WNK1: variants seen among roughly 807,000 people sequenced by gnomAD.
WNK1 encodes WNK lysine deficient protein kinase 1, also known as serine/threonine-protein kinase WNK1.
In WNK1, 38 loss-of-function variants were observed where a neutral mutation model predicts 222.8. The ratio of observed to expected loss-of-function variants is 0.17; its 90% CI spans 0.13 to 0.22. WNK1 has a LOEUF of 0.22. Among genes scored for constraint, WNK1 ranks in the 10% least tolerant of loss-of-function variants. The probability of loss-of-function intolerance (pLI) is 1.00; values close to 1 mark genes in which losing one functional copy is unlikely to be tolerated. For missense variants in WNK1, 2,348 were observed against 2,918.4 expected (o/e 0.80, Z 4.50); for synonymous variants, 1,090 against 1,092.9 (o/e 1.00, Z 0.05).
chr12:894,434 G>T, intron 22 of WNK1, 128 bp from the exon 23 acceptor site: 1 of 775,438 alleles, frequency 1.3e-6, no homozygotes. Flanking sequence ...GAGGAGATAA[G>T]GAAGTTCTCT....
At chr12:804,355 T>C (rs1229376004) in intron 1 of WNK1, among the ~76,000 whole-genome samples, 2 of 152,216 alleles carry the variant, frequency 1.3e-5, no homozygotes, top group Admixed American at 6.5e-5. Context: ...TAAGCACATT[T>C]ACAATGTTGT....
chr12:770,286 T>C (rs1166125157), intron 1 of WNK1, among the ~76,000 whole-genome samples: 1 of 152,210 alleles, frequency 6.6e-6, no homozygotes, highest in Non-Finnish European at 1.5e-5. Context: ...GAATTAAGTT[T>C]CTGATACATG....
At chr12:880,634 CTTT>C (rs11334619) in intron 11 of WNK1, 84 bp from the exon 12 acceptor site, 3,261 of 1,186,886 alleles carry the variant, frequency 2.7e-3, no homozygotes, top group Middle Eastern at 3.2e-3. Flanking sequence ...CTGTGTGCTT[CTTT>C]TTTTTTTTTT....
At chr12:824,396 A>C (rs188724645) in intron 2 of WNK1, among the ~76,000 whole-genome samples, 213 of 152,242 alleles carry the variant, frequency 1.4e-3, no homozygotes, top group Non-Finnish European at 2.2e-3. Context: ...TATGGAGCAG[A>C]TTGGATTCCT....
At chr12:847,797 T>TTC (rs1295217973) in intron 4 of WNK1, among the ~76,000 whole-genome samples, 8 of 142,934 alleles carry the variant, frequency 5.6e-5, no homozygotes, top group South Asian at 4.5e-4. Flanking sequence ...AATGGATTAA[T>TTC]TCTCTTTTTT....
intron 26 of WNK1, among the ~76,000 whole-genome samples, chr12:901,258 C>T (rs938732619): frequency 1.3e-5 from 2 of 152,154 alleles, no homozygotes; most frequent in African/African-American, 4.8e-5. Context: ...GGCTTATGTG[C>T]CTTTGCCACA....
At chr12:855,194 A>G (rs1448547529) in intron 4 of WNK1, among the ~76,000 whole-genome samples, 1 of 152,246 alleles carries the variant, frequency 6.6e-6, no homozygotes, top group Non-Finnish European at 1.5e-5. Context: ...CTAGAATTAT[A>G]TGAAGATAAA....
At chr12:847,995 A>G (rs1336473367) in intron 4 of WNK1, among the ~76,000 whole-genome samples, 4 of 151,444 alleles carry the variant, frequency 2.6e-5, no homozygotes, top group African/African-American at 4.8e-5. Flanking sequence ...TTTAGTAGAG[A>G]CGGGGTTTCA....
At chr12:849,564 C>G (rs1950266535) in intron 4 of WNK1, among the ~76,000 whole-genome samples, 1 of 151,930 alleles carries the variant, frequency 6.6e-6, no homozygotes, top group African/African-American at 2.4e-5. Context: ...TACATAAATA[C>G]TGTTGATTTT....
intron 17 of WNK1, 134 bp downstream of exon 17, chr12:883,965 T>G (rs755926928): frequency 6.8e-7 from 1 of 1,475,570 alleles, no homozygotes; most frequent in Non-Finnish European, 9.3e-7. Flanking sequence ...GAGGCGGAGG[T>G]TGCAGTGAGC....
chr12:869,703 A>G lies in WNK1; in HGVS notation c.2140-1562A>G, dbSNP rs570016679. Reference sequence around the variant, plus strand: ...AATGAAAATGCCTTTTTAAAATGGCATCAGTCAAGCAAGTTGCTGTGCATT... The same window carrying G: ...AATGAAAATGCCTTTTTAAAATGGCGTCAGTCAAGCAAGTTGCTGTGCATT... On this transcript the variant is annotated intron_variant, in intron 8 of 27. Coordinates refer to ENST00000315939, the MANE Select transcript of WNK1 (RefSeq NM_018979.4). 2.6e-5 allele frequency among the ~76,000 whole-genome samples: 4 copies of G among 152,300 alleles called. No individual in the cohort carries two copies. In the South Asian group the frequency reaches 8.3e-4, roughly 32 times the overall value.
At chr12:859,524 T>C in intron 6 of WNK1, 60 bp downstream of exon 6, 1 of 1,371,460 alleles carries the variant, frequency 7.3e-7, no homozygotes, top group Admixed American at 1.9e-5. Flanking sequence ...ATACTATCAT[T>C]AAGCAAAAAA....
chr12:880,161 A>C, intron 11 of WNK1, 130 bp downstream of exon 11: 1 of 906,730 alleles, frequency 1.1e-6, no homozygotes, highest in Non-Finnish European at 1.7e-6. Context: ...GCAAAATAGT[A>C]AAATTCTGAG....
chr12:901,507 T>G (rs1224907551), intron 26 of WNK1: 2 of 1,215,992 alleles, frequency 1.6e-6, no homozygotes, highest in Admixed American at 2.5e-5. Flanking sequence ...ATCTTGTAGT[T>G]GTGTTCTGTC....
chr12:811,822 G>A (rs1946933944), intron 1 of WNK1, among the ~76,000 whole-genome samples: 1 of 152,078 alleles, frequency 6.6e-6, no homozygotes, highest in Non-Finnish European at 1.5e-5. Context: ...ATAATCTGTT[G>A]TCATGCATCT....
At chr12:869,372 C>T (rs925752055) in intron 8 of WNK1, among the ~76,000 whole-genome samples, 13 of 152,118 alleles carry the variant, frequency 8.5e-5, no homozygotes, top group Admixed American at 3.3e-4. Context: ...TTCACAATCA[C>T]GACTTCTATG....
intron 3 of WNK1, 101 bp from the exon 4 acceptor site, chr12:829,902 A>C (rs938338192): frequency 7.7e-7 from 1 of 1,300,274 alleles, no homozygotes; most frequent in African/African-American, 1.5e-5. Flanking sequence ...CCCCATTCCA[A>C]TTTCTTCTCT....
At chr12:784,857 A>G (rs1442856759) in intron 1 of WNK1, among the ~76,000 whole-genome samples, 2 of 152,136 alleles carry the variant, frequency 1.3e-5, no homozygotes, top group Non-Finnish European at 2.9e-5. Flanking sequence ...CCAGAATCCC[A>G]TTTCTTTCTC....
rs199628096 is a variant in WNK1 at position 908,053 on chromosome 12, G to A, written c.6831+19G>A. On this transcript the variant is annotated intron_variant, in intron 27 of 27. Transcript: ENST00000315939. ...TTACGAGGTAAGTCTCTCTTTTGCC[G>A]CAGAGAATCCGTAACACACATCTGA... 175 of 1,613,160 alleles carry A rather than the reference G, an allele frequency of 1.1e-4. No individual in the cohort carries two copies. The highest frequency in any genetic ancestry group is 6.5e-4 in the Admixed American group (39 of 59,952).
Sources: allele counts gnomAD v4.1 joint callset (sites outside exome capture counted in the v4.1 genomes callset), GRCh38; gene constraint gnomAD v4.1.1; transcripts MANE v1.5; gene names NCBI Gene and HGNC (gene_info 2026-07-23, HGNC 2026-07-21).